The following NCOR2 variants were observed in gnomAD, a reference collection of about 807,000 sequenced individuals.
NCOR2 encodes nuclear receptor corepressor 2.
A neutral mutation model predicts 262.9 loss-of-function variants in NCOR2; 81 were observed. The observed-to-expected ratio is 0.31, with a 90% CI of 0.26 to 0.37. NCOR2 has a LOEUF of 0.37. NCOR2 is among the 10% of genes least tolerant of loss of function. The probability of loss-of-function intolerance (pLI) is 1.00; values close to 1 mark genes in which losing one functional copy is unlikely to be tolerated. For synonymous variants in NCOR2, 1,659 were observed against 1,559.3 expected, an observed-to-expected ratio of 1.06 and a Z score of -1.51; for missense variants, 3,385 against 3,621.4, an observed-to-expected ratio of 0.93 and a Z score of 1.68.
Position 124,482,186 on chromosome 12 carries a change from G to A in NCOR2, c.411+1410C>T, listed in dbSNP as rs1166612472. ...TTTCCTGTGACAACTTGGTGAGGCG[G>A]GGACTGCCCCAGTGGCAGGGAGGCC... is the stretch of plus-strand genomic sequence containing the variant. On this transcript the variant is annotated intron_variant, in intron 3 of 46. Coordinates refer to ENST00000405201, the Ensembl canonical transcript of NCOR2. This position sits in a 1 kb window ranked among gnomAD's most constrained non-coding sequence, Gnocchi z 6.3. Among the ~76,000 whole-genome samples the A allele has an allele frequency of 6.6e-6, 1 of 152,122 alleles. No individual in the cohort carries two copies. The highest frequency in any genetic ancestry group is 1.5e-5 in the Non-Finnish European group (1 of 68,002).
exon 32 of NCOR2, chr12:124,344,729 C>A: frequency 3.2e-6 from 5 of 1,543,328 alleles, no homozygotes; most frequent in Non-Finnish European, 3.5e-6. Flanking sequence ...GGCACAATGA[C>A]CGGGGCGCCG....
At chr12:124,510,363 G>A (rs760153794) in intron 1 of NCOR2, among the ~76,000 whole-genome samples, 5 of 152,206 alleles carry the variant, frequency 3.3e-5, no homozygotes, top group Non-Finnish European at 5.9e-5. Context: ...CATCTTCCAC[G>A]CCGCTGCCCT....
chr12:124,511,323 C>A (rs1425123103), intron 1 of NCOR2, among the ~76,000 whole-genome samples: 4 of 152,234 alleles, frequency 2.6e-5, no homozygotes, highest in African/African-American at 9.6e-5. Flanking sequence ...CTCCTGGAAG[C>A]CCCAGTGCCA....
At chr12:124,559,123 C>G (rs1055715459) in intron 1 of NCOR2, among the ~76,000 whole-genome samples, 1 of 152,164 alleles carries the variant, frequency 6.6e-6, no homozygotes, top group Admixed American at 6.5e-5. Flanking sequence ...TCACCCGGGT[C>G]TGGTCCAATT....
intron 26 of NCOR2, 106 bp from the exon 29 acceptor site, chr12:124,354,302 T>C: frequency 7.8e-7 from 1 of 1,288,768 alleles, no homozygotes; most frequent in Admixed American, 2.0e-5. Context: ...GTTGTGCTAG[T>C]TGTTTCAACG....
At chr12:124,426,572 A>G (rs746754859) in intron 11 of NCOR2, 50 bp downstream of exon 13, 1 of 1,505,502 alleles carries the variant, frequency 6.6e-7, no homozygotes. Flanking sequence ...AGGCCTCAAC[A>G]GGATGGGGGT....
chr12:124,524,293 T>A (rs1385906889), intron 1 of NCOR2, among the ~76,000 whole-genome samples: 1 of 152,118 alleles, frequency 6.6e-6, no homozygotes, highest in Admixed American at 6.5e-5. Context: ...TCCCCACTCC[T>A]CCCCTTTGAC....
At chr12:124,346,020 G>A (rs1193077009) in intron 31 of NCOR2, among the ~76,000 whole-genome samples, 2 of 152,190 alleles carry the variant, frequency 1.3e-5, no homozygotes, top group Admixed American at 6.5e-5. Flanking sequence ...CTCTTGTGGT[G>A]CAACCTGCTG....
intron 4 of NCOR2, among the ~76,000 whole-genome samples, chr12:124,471,983 A>G (rs879605711): frequency 1.3e-5 from 2 of 152,270 alleles, no homozygotes; most frequent in Non-Finnish European, 2.9e-5. Context: ...ATATAAACAC[A>G]CATGTGTATA....
chr12:124,457,062 A>AC lies in NCOR2; in HGVS notation c.762+43dup. 3.4e-4 allele frequency: 120 copies of AC among 350,938 alleles called. No individual in the cohort carries two copies. Among genetic ancestry groups the AC allele is most frequent in the South Asian group, 1.3e-3 (36 of 27,964 alleles). 21.7% of individuals were successfully genotyped at this position (350,938 alleles called of 1,614,324 possible). ...CGCCTCCCTGCCCACCTCTCCAGCC[A>AC]CCCCCGCCCTCCCCTGAGCCCCTGA... On this transcript the variant is annotated intron_variant, in intron 6 of 46. Transcript: ENST00000405201. This position sits in a 1 kb window ranked among gnomAD's most constrained non-coding sequence, Gnocchi z 4.0.
intron 16 of NCOR2, 40 bp from the exon 19 acceptor site, chr12:124,385,927 C>A (rs370605513): frequency 6.3e-7 from 1 of 1,598,464 alleles, no homozygotes; most frequent in Non-Finnish European, 8.5e-7. Flanking sequence ...AGGCCAGGCC[C>A]GGCACGCAGA....
At chr12:124,354,118 A>T in exon 27 of NCOR2, 1 of 1,610,604 alleles carries the variant, frequency 6.2e-7, no homozygotes, top group East Asian at 2.2e-5. Context: ...GCGGTATGTG[A>T]TGGCGCTGTC....
intron 6 of NCOR2, among the ~76,000 whole-genome samples, chr12:124,456,076 A>C (rs540460399): frequency 6.6e-6 from 1 of 152,154 alleles, no homozygotes; most frequent in East Asian, 1.9e-4. Context: ...AGGTCTTGCT[A>C]TCTTGCCCAG....
intron 1 of NCOR2, among the ~76,000 whole-genome samples, chr12:124,552,303 A>G (rs2051737650): frequency 6.6e-6 from 1 of 151,980 alleles, no homozygotes; most frequent in Non-Finnish European, 1.5e-5. Context: ...TGGGCAACAG[A>G]GCAAGACCCT....
At chr12:124,471,019 C>T (rs1033161400) in intron 4 of NCOR2, among the ~76,000 whole-genome samples, 1 of 152,224 alleles carries the variant, frequency 6.6e-6, no homozygotes, top group Non-Finnish European at 1.5e-5. Flanking sequence ...CTGCCCACGC[C>T]GCTGGGGCCC....
intron 40 of NCOR2, 190 bp from the exon 43 acceptor site, chr12:124,334,807 C>T (rs927298139): frequency 3.9e-5 from 23 of 594,392 alleles, no homozygotes; most frequent in African/African-American, 2.1e-4. Flanking sequence ...CTGTGGTCAG[C>T]GGTCCCAAGC....
chr12:124,498,657 C>A (rs2048509021), upstream of NCOR2, among the ~76,000 whole-genome samples: 1 of 152,238 alleles, frequency 6.6e-6, no homozygotes, highest in Admixed American at 6.5e-5. Flanking sequence ...CCCACCAATT[C>A]CATTCCCAGG....
intron 1 of NCOR2, among the ~76,000 whole-genome samples, chr12:124,489,680 G>A (rs1204758650): frequency 6.6e-6 from 1 of 152,180 alleles, no homozygotes; most frequent in Non-Finnish European, 1.5e-5. Flanking sequence ...GGAAATCAGG[G>A]CCACCAATAA....
At chr12:124,494,242 C>T (rs982626655) in intron 1 of NCOR2, among the ~76,000 whole-genome samples, 5 of 152,176 alleles carry the variant, frequency 3.3e-5, no homozygotes, top group South Asian at 2.1e-4. Flanking sequence ...CACGCACACA[C>T]GCACCCCCAC....
Sources: allele counts gnomAD v4.1 joint callset (sites outside exome capture counted in the v4.1 genomes callset), GRCh38; gene constraint gnomAD v4.1.1; non-coding constraint Gnocchi (gnomAD v3.1); transcripts MANE v1.5; gene names NCBI Gene and HGNC (gene_info 2026-07-23, HGNC 2026-07-21).